The following PTK2B variants were observed in gnomAD, a reference collection of about 807,000 sequenced individuals.
PTK2B encodes protein-tyrosine kinase 2-beta.
PTK2B carries 71 observed loss-of-function variants against 142.9 expected under a neutral mutation model. The ratio of observed to expected loss-of-function variants is 0.50; its 90% confidence interval spans 0.41 to 0.61. The LOEUF (loss-of-function observed/expected upper bound fraction) is 0.61. Ranked by LOEUF, PTK2B falls within the 20% of genes least tolerant of loss-of-function variation. The pLI is 0.00. For missense variants in PTK2B, 1,105 were observed against 1,320.4 expected (o/e 0.84, Z 2.53); for synonymous variants, 519 against 503.4 (o/e 1.03, Z -0.42).
At position 27,348,385 on chromosome 8, in the gene PTK2B, A is replaced by G. The variant is rs192913518; in HGVS notation, c.-38+22704A>G. On this transcript the variant is annotated intron_variant, in intron 1 of 30. Coordinates refer to ENST00000346049, the MANE Select transcript of PTK2B (RefSeq NM_173176.3). ...TCACTTGCCAAGACCCCTCGGTCAA[A>G]GTAAAATTAACAGAACCCCCTGTTC... Among the ~76,000 whole-genome samples, 834 of 152,284 alleles carry G rather than the reference A, an allele frequency of 5.5e-3. 11 individuals carry two copies. Among genetic ancestry groups the G allele is most frequent in the African/African-American group, 0.019 (800 of 41,554 alleles).
At chr8:27,448,636 A>G (rs562126904) in intron 24 of PTK2B, among the ~76,000 whole-genome samples, 1 of 152,310 alleles carries the variant, frequency 6.6e-6, no homozygotes, top group African/African-American at 2.4e-5. Context: ...AATTTTCTTG[A>G]TTCTAGTAGC....
chr8:27,383,453 C>T (rs1254146809), intron 1 of PTK2B, among the ~76,000 whole-genome samples: 2 of 152,062 alleles, frequency 1.3e-5, no homozygotes, highest in South Asian at 4.1e-4. Context: ...ACCACGTTGG[C>T]CAGGCTGGTC....
At chr8:27,340,219 C>T (rs1804314560) in intron 1 of PTK2B, among the ~76,000 whole-genome samples, 1 of 152,168 alleles carries the variant, frequency 6.6e-6, no homozygotes. Context: ...ACAGTGAGAC[C>T]AGATGTTCTG....
chr8:27,377,470 G>C (rs1806742147), intron 1 of PTK2B, among the ~76,000 whole-genome samples: 1 of 152,248 alleles, frequency 6.6e-6, no homozygotes, highest in African/African-American at 2.4e-5. Context: ...CTCCAGAAAT[G>C]TGCTTGTTTC....
chr8:27,409,190 A>C (rs1459581652), intron 2 of PTK2B, among the ~76,000 whole-genome samples: 1 of 152,194 alleles, frequency 6.6e-6, no homozygotes, highest in Non-Finnish European at 1.5e-5. Flanking sequence ...AAGGCACTAG[A>C]GGTTAAGATT....
At chr8:27,434,283 A>C in intron 12 of PTK2B, 151 bp downstream of exon 12, 1 of 1,134,952 alleles carries the variant, frequency 8.8e-7, no homozygotes, top group Non-Finnish European at 1.3e-6. Flanking sequence ...CTCCCAATAA[A>C]TACCTGCAGG....
At chr8:27,389,457 A>T (rs1420821006) in intron 1 of PTK2B, among the ~76,000 whole-genome samples, 1 of 152,194 alleles carries the variant, frequency 6.6e-6, no homozygotes, top group Non-Finnish European at 1.5e-5. Flanking sequence ...AAATCTGGCT[A>T]GCTGCAGGGA....
intron 10 of PTK2B, 125 bp from the exon 11 acceptor site, chr8:27,433,310 G>A (rs746985309): frequency 2.2e-5 from 17 of 786,550 alleles, no homozygotes; most frequent in South Asian, 3.2e-5. Flanking sequence ...CCCAGGAGAG[G>A]TGCAGACAGC....
intron 1 of PTK2B, among the ~76,000 whole-genome samples, chr8:27,336,150 C>T (rs1002872207): frequency 2.0e-5 from 3 of 152,002 alleles, no homozygotes; most frequent in South Asian, 2.1e-4. Context: ...GTGTGAGTGG[C>T]GGGAGGGGCT....
At chr8:27,386,492 G>A (rs1428012692) in intron 1 of PTK2B, among the ~76,000 whole-genome samples, 5 of 152,130 alleles carry the variant, frequency 3.3e-5, no homozygotes, top group African/African-American at 9.6e-5. Flanking sequence ...GTTTATGGTG[G>A]TTCCTTAAAG....
chr8:27,367,502 T>C (rs1416421299), intron 1 of PTK2B, among the ~76,000 whole-genome samples: 1 of 152,206 alleles, frequency 6.6e-6, no homozygotes, highest in Non-Finnish European at 1.5e-5. Flanking sequence ...ATGGCCTCTC[T>C]CCTCAGTCAC....
chr8:27,363,569 A>C lies in PTK2B; in HGVS notation c.-37-33979A>C, dbSNP rs1170987829. ...GCATGGTCTGGGATGCAGGGAATGG[A>C]CTCTGACTGCTCTTGCTGCTCTGAG... On this transcript the variant is annotated intron_variant, in intron 1 of 30. Transcript: ENST00000346049. This position sits in a 1 kb window ranked among gnomAD's most constrained non-coding sequence, Gnocchi z 4.3. Among the ~76,000 whole-genome samples, 1 of 151,870 alleles carries C rather than the reference A, an allele frequency of 6.6e-6. No individual in the cohort carries two copies. The highest frequency in any genetic ancestry group is 2.1e-4 in the South Asian group (1 of 4,818).
At chr8:27,377,353 G>T (rs1806735311) in intron 1 of PTK2B, among the ~76,000 whole-genome samples, 2 of 152,190 alleles carry the variant, frequency 1.3e-5, no homozygotes, top group African/African-American at 4.8e-5. Flanking sequence ...GTTCACAACA[G>T]TTCTGGGAAA....
chr8:27,351,040 T>C (rs58642267), intron 1 of PTK2B, among the ~76,000 whole-genome samples: 1,157 of 97,894 alleles, frequency 0.012, 71 homozygotes, highest in African/African-American at 0.049. Context: ...TATATATATA[T>C]ACGTGCTTGG....
chr8:27,409,167 A>G (rs1235566084), intron 2 of PTK2B, among the ~76,000 whole-genome samples: 1 of 152,186 alleles, frequency 6.6e-6, no homozygotes, highest in Admixed American at 6.5e-5. Context: ...AACACTCTAT[A>G]AAGTCCTGCG....
In PTK2B at chr8:27,440,336, C is replaced by T. The variant is rs1811080546; in HGVS notation, c.1934C>T (p.Pro645Leu). The T allele has an allele frequency of 2.5e-6, 4 of 1,614,192 alleles. No homozygotes were observed. Among genetic ancestry groups the T allele is most frequent in the Non-Finnish European group, 3.4e-6 (4 of 1,180,026 alleles). Reference sequence around the variant, plus strand: ...GTGCTGGAGAAAGGAGACCGGCTGCCCAAGCCTGATCTCTGTCCACCGGTC... The same window carrying T: ...GTGCTGGAGAAAGGAGACCGGCTGCTCAAGCCTGATCTCTGTCCACCGGTC... ...IGVLEKGDRL[P>L]KPDLCPPVLY... Residue 645 changes from proline (P) to leucine (L), a missense_variant, in exon 21 of 31, where the codon CCC becomes CTC. Transcript: ENST00000346049.
chr8:27,367,279 C>T (rs1806073626), intron 1 of PTK2B, among the ~76,000 whole-genome samples: 1 of 152,176 alleles, frequency 6.6e-6, no homozygotes, highest in Non-Finnish European at 1.5e-5. Context: ...TTGGGAGCAG[C>T]TCTGCCTGAG....
At chr8:27,354,221 A>G (rs1204052894) in intron 1 of PTK2B, among the ~76,000 whole-genome samples, 3 of 152,182 alleles carry the variant, frequency 2.0e-5, no homozygotes. Context: ...TAAAGTAAAA[A>G]TGCCAAAGAA....
At chr8:27,327,722 C>T (rs1415506658) in intron 1 of PTK2B, among the ~76,000 whole-genome samples, 2 of 152,108 alleles carry the variant, frequency 1.3e-5, no homozygotes, top group African/African-American at 4.8e-5. Flanking sequence ...AGTATGGTAC[C>T]TCAGAAAAAA....
Sources: allele counts gnomAD v4.1 joint callset (sites outside exome capture counted in the v4.1 genomes callset), GRCh38; gene constraint gnomAD v4.1.1; non-coding constraint Gnocchi (gnomAD v3.1); transcripts MANE v1.5; gene names NCBI Gene and HGNC (gene_info 2026-07-23, HGNC 2026-07-21).